Variants in RANBP17 observed in about 807,000 individuals in gnomAD.
RANBP17 encodes the protein RAN binding protein 17, also known as ran-binding protein 17.
RANBP17 carries 158 observed loss-of-function variants against 141.2 expected under a neutral mutation model. The observed-to-expected ratio is 1.12, with a 90% CI of 0.98 to 1.28. RANBP17 has a LOEUF of 1.28. Ranked by LOEUF, RANBP17 falls within the 50% of genes most tolerant of loss-of-function variation. The pLI is 0.00. For missense variants in RANBP17, 1,438 were observed against 1,290.7 expected, an observed-to-expected ratio of 1.11 and a Z score of -1.75; for synonymous variants, 430 against 450.0, an observed-to-expected ratio of 0.96 and a Z score of 0.56.
intron 14 of RANBP17, among the ~76,000 whole-genome samples, chr5:171,102,387 CT>C (rs1429550255): frequency 6.6e-6 from 1 of 151,838 alleles, no homozygotes; most frequent in Admixed American, 6.6e-5. Context: ...ATTGATTTGG[CT>C]ATTGATACTT....
chr5:171,161,004 T>A (rs757085017), intron 14 of RANBP17, among the ~76,000 whole-genome samples: 6 of 152,194 alleles, frequency 3.9e-5, no homozygotes, highest in Non-Finnish European at 8.8e-5. Context: ...TTCACCTTGT[T>A]GGCCAGGCTA....
intron 14 of RANBP17, among the ~76,000 whole-genome samples, chr5:171,090,337 G>T (rs1013478529): frequency 6.6e-6 from 1 of 152,178 alleles, no homozygotes; most frequent in South Asian, 2.1e-4. Context: ...CTAGAGATTT[G>T]TGGAATTTGA....
chr5:170,898,214 T>C lies in RANBP17; in HGVS notation c.489+2099T>C, dbSNP rs550312226. Among the ~76,000 whole-genome samples, 8 of 152,286 alleles carry C rather than the reference T, an allele frequency of 5.3e-5. No homozygotes were observed. In the South Asian group the frequency reaches 1.7e-3, roughly 32 times the overall value. On this transcript the variant is annotated intron_variant, in intron 5 of 27. Transcript: ENST00000523189. ...GTTGCATTGACCTTTTAACATTATGTAATGCCCTTCTTTGTCTCCTTTGAT... is the reference window on the plus strand; with the variant it reads ...GTTGCATTGACCTTTTAACATTATGCAATGCCCTTCTTTGTCTCCTTTGAT...
chr5:171,253,787 A>G (rs1443407236), intron 24 of RANBP17, among the ~76,000 whole-genome samples: 1 of 152,200 alleles, frequency 6.6e-6, no homozygotes. Flanking sequence ...TGAATTTTAA[A>G]TTATATCTGA....
In RANBP17 at chr5:171,165,174, GGTTTTTTT is replaced by G. The variant is rs369708311; in HGVS notation, c.1711-4939_1711-4932del. Among the ~76,000 whole-genome samples the G allele has an allele frequency of 2.5e-3, 381 of 152,022 alleles. 4 individuals carry two copies. The highest frequency in any genetic ancestry group is 7.9e-3 in the African/African-American group (328 of 41,516). ...AATCTAATCAAAAGCCCATAAAGTA[GGTTTTTTT>G]GTTTTTTTGTTTTTTTTGAGATGGA... On this transcript the variant is annotated intron_variant, in intron 14 of 27. Transcript: ENST00000523189.
intron 14 of RANBP17, among the ~76,000 whole-genome samples, chr5:171,126,624 A>G (rs1756488677): frequency 6.6e-6 from 1 of 152,226 alleles, no homozygotes; most frequent in Non-Finnish European, 1.5e-5. Context: ...ATAAATCCAG[A>G]AACAAAAGAG....
At chr5:171,054,047 T>C (rs1173271384) in intron 14 of RANBP17, among the ~76,000 whole-genome samples, 1 of 151,746 alleles carries the variant, frequency 6.6e-6, no homozygotes, top group African/African-American at 2.4e-5. Context: ...TGTATTCTGA[T>C]ATTTGAATAG....
intron 14 of RANBP17, among the ~76,000 whole-genome samples, chr5:171,025,538 A>C (rs1195694543): frequency 3.5e-5 from 5 of 144,824 alleles, no homozygotes; most frequent in African/African-American, 1.3e-4. Context: ...CCCTCCTCTT[A>C]GGTTCTCATA....
intron 13 of RANBP17, among the ~76,000 whole-genome samples, chr5:170,965,696 A>G (rs1394972077): frequency 6.6e-6 from 1 of 152,172 alleles, no homozygotes; most frequent in Non-Finnish European, 1.5e-5. Flanking sequence ...TTTGTCAAAG[A>G]TCAGATAGTT....
intron 16 of RANBP17, among the ~76,000 whole-genome samples, chr5:171,172,207 T>C (rs1196062029): frequency 6.6e-6 from 1 of 151,884 alleles, no homozygotes; most frequent in Non-Finnish European, 1.5e-5. Flanking sequence ...TCCAAAGTAT[T>C]AGACACCCAC....
At chr5:171,253,895 T>C (rs1765724877) in intron 24 of RANBP17, among the ~76,000 whole-genome samples, 1 of 152,158 alleles carries the variant, frequency 6.6e-6, no homozygotes, top group Non-Finnish European at 1.5e-5. Flanking sequence ...GTCCTTTTAT[T>C]ATGGTTTCTA....
At chr5:171,048,967 A>G (rs1157469706) in intron 14 of RANBP17, among the ~76,000 whole-genome samples, 2 of 152,136 alleles carry the variant, frequency 1.3e-5, no homozygotes, top group Non-Finnish European at 2.9e-5. Flanking sequence ...TTATGGTAGA[A>G]CACTTTATAT....
chr5:171,075,921 G>A (rs1784891672), intron 14 of RANBP17, among the ~76,000 whole-genome samples: 1 of 152,064 alleles, frequency 6.6e-6, no homozygotes, highest in South Asian at 2.1e-4. Flanking sequence ...CCACTGCACT[G>A]CAGCCTGGGC....
intron 14 of RANBP17, among the ~76,000 whole-genome samples, chr5:170,992,212 C>T (rs879577738): frequency 1.4e-4 from 21 of 151,974 alleles, no homozygotes; most frequent in African/African-American, 2.2e-4. Context: ...TTTTGCTCTC[C>T]TCTGCTATCC....
chr5:171,240,454 G>C (rs1464436566), intron 22 of RANBP17, among the ~76,000 whole-genome samples: 1 of 152,082 alleles, frequency 6.6e-6, no homozygotes, highest in Admixed American at 6.6e-5. Flanking sequence ...AACCTGTGAG[G>C]CTCCTAAAAA....
chr5:171,163,190 G>A (rs1232963971), intron 14 of RANBP17, among the ~76,000 whole-genome samples: 2 of 151,982 alleles, frequency 1.3e-5, no homozygotes, highest in Admixed American at 1.3e-4. Context: ...CTAATTTCAG[G>A]CTTATATTTA....
At chr5:171,054,470 A>C (rs1056839361) in intron 14 of RANBP17, among the ~76,000 whole-genome samples, 1 of 152,204 alleles carries the variant, frequency 6.6e-6, no homozygotes, top group Non-Finnish European at 1.5e-5. Context: ...TGGCATTTGT[A>C]AATTGTCATG....
chr5:171,080,205 C>T (rs911354314), intron 14 of RANBP17, among the ~76,000 whole-genome samples: 4 of 150,792 alleles, frequency 2.7e-5, no homozygotes, highest in Non-Finnish European at 2.9e-5. Flanking sequence ...TTACTTGGGG[C>T]GATACTAGTG....
At chr5:170,940,961 A>T (rs1400850328) in intron 12 of RANBP17, among the ~76,000 whole-genome samples, 1 of 152,152 alleles carries the variant, frequency 6.6e-6, no homozygotes, top group African/African-American at 2.4e-5. Context: ...AAATTGCAAA[A>T]CAAAACAAAA....
Sources: allele counts gnomAD v4.1 joint callset (sites outside exome capture counted in the v4.1 genomes callset), GRCh38; gene constraint gnomAD v4.1.1; transcripts MANE v1.5; gene names NCBI Gene and HGNC (gene_info 2026-07-23, HGNC 2026-07-21).